The following SLC40A1 variants were observed in gnomAD, a reference collection of about 807,000 sequenced individuals.
SLC40A1 encodes solute carrier family 40 member 1.
A neutral mutation model predicts 53.5 loss-of-function variants in SLC40A1; 16 were observed. The ratio of observed to expected loss-of-function variants is 0.30; its 90% confidence interval spans 0.20 to 0.45. SLC40A1 has a LOEUF of 0.45. SLC40A1 is among the 20% of genes least tolerant of loss of function. The probability of loss-of-function intolerance (pLI) is 1.00; values close to 1 mark genes in which losing one functional copy is unlikely to be tolerated. For synonymous variants in SLC40A1, 247 were observed against 253.2 expected (o/e 0.98, Z 0.23); for missense variants, 545 against 695.4 (o/e 0.78, Z 2.43).
chr2:189,571,575 A>G (rs2031126307), intron 5 of SLC40A1, 140 bp downstream of exon 5: 7 of 1,381,162 alleles, frequency 5.1e-6, no homozygotes, highest in Non-Finnish European at 6.9e-6. Context: ...ACAATAAGGT[A>G]AGAAAAAAAG....
intron 2 of SLC40A1, among the ~76,000 whole-genome samples, chr2:189,576,087 G>A (rs371224740): frequency 6.6e-5 from 10 of 152,144 alleles, no homozygotes; most frequent in African/African-American, 1.4e-4. Context: ...GTTCATTACC[G>A]TGAAATGTGA....
intron 5 of SLC40A1, among the ~76,000 whole-genome samples, chr2:189,568,563 C>T (rs16831659): frequency 0.079 from 11,967 of 152,146 alleles, 654 homozygotes; most frequent in South Asian, 0.18. Context: ...TGCAAATATA[C>T]GCTCTTTACC....
intron 2 of SLC40A1, among the ~76,000 whole-genome samples, chr2:189,576,891 CA>C (rs1232626430): frequency 6.6e-6 from 1 of 152,142 alleles, no homozygotes; most frequent in African/African-American, 2.4e-5. Context: ...GACATCAAGA[CA>C]AATGCTATTA....
chr2:189,573,466 A>C (rs974617805), intron 3 of SLC40A1, among the ~76,000 whole-genome samples: 1 of 152,250 alleles, frequency 6.6e-6, no homozygotes, highest in Non-Finnish European at 1.5e-5. Flanking sequence ...ATTTCTTTGC[A>C]TACTAATGCT....
chr2:189,579,644 G>A (rs1361703863), intron 2 of SLC40A1, among the ~76,000 whole-genome samples, 169 bp downstream of exon 2: 3 of 152,164 alleles, frequency 2.0e-5, no homozygotes, highest in South Asian at 4.1e-4. Flanking sequence ...TAACACTCAT[G>A]GGGAAAGATC....
rs560400646 is a variant in SLC40A1, at chr2:189,562,980, A to T, written c.1402+604T>A. On this transcript the variant is annotated intron_variant, in intron 7 of 7. Transcript: ENST00000261024. ...TTTTTGTTAAGGTTATTGCAATATC[A>T]AGACTCTACTAGATGGCAGTATAAT... is the stretch of plus-strand genomic sequence containing the variant. Among the ~76,000 whole-genome samples the T allele has an allele frequency of 2.6e-5, 4 of 152,126 alleles. No homozygotes were observed. In the South Asian group the frequency reaches 8.3e-4, roughly 32 times the overall value.
intron 6 of SLC40A1, 46 bp downstream of exon 6, chr2:189,565,308 G>C (rs1299606832): frequency 6.2e-7 from 1 of 1,610,290 alleles, no homozygotes; most frequent in African/African-American, 1.3e-5. Flanking sequence ...CAACATTTAA[G>C]GTCTGAACAT....
intron 5 of SLC40A1, 57 bp from the exon 6 acceptor site, chr2:189,565,656 C>A: frequency 6.2e-7 from 1 of 1,605,216 alleles, no homozygotes; most frequent in Non-Finnish European, 8.5e-7. Flanking sequence ...AGAGAGACTG[C>A]CCATTTACAC....
At chr2:189,577,562 T>C (rs941757814) in intron 2 of SLC40A1, among the ~76,000 whole-genome samples, 2 of 152,122 alleles carry the variant, frequency 1.3e-5, no homozygotes, top group Non-Finnish European at 2.9e-5. Context: ...ATTAGATATC[T>C]TTTTTAAAGC....
chr2:189,571,847 G>A lies in SLC40A1; in HGVS notation c.388-6C>T. 1 of 1,585,772 alleles carries A rather than the reference G, an allele frequency of 6.3e-7. No homozygotes were observed. The highest frequency in any genetic ancestry group is 8.7e-7 in the Non-Finnish European group (1 of 1,154,520). On this transcript the variant is annotated splice_polypyrimidine_tract_variant and splice_region_variant and intron_variant, in intron 4 of 7. Coordinates refer to ENST00000261024, the MANE Select transcript of SLC40A1 (RefSeq NM_014585.6). Reference sequence around the variant, plus strand: ...ATCAGGATATAGCAGGAAGTCTAAAGAATGACAAGAAAAAAATGAGTTATA... The same window carrying A: ...ATCAGGATATAGCAGGAAGTCTAAAAAATGACAAGAAAAAAATGAGTTATA...
chr2:189,572,998 A>T (rs1479397439), intron 3 of SLC40A1, 37 bp from the exon 4 acceptor site: 1 of 1,372,090 alleles, frequency 7.3e-7, no homozygotes, highest in Non-Finnish European at 1.0e-6. Context: ...CATTACATCA[A>T]AATGTCTCAG....
chr2:189,573,491 C>T (rs966633814), intron 3 of SLC40A1, among the ~76,000 whole-genome samples: 5 of 152,272 alleles, frequency 3.3e-5, no homozygotes, highest in South Asian at 2.1e-4. Flanking sequence ...GCCATTGCTA[C>T]GAAATTCTAA....
In SLC40A1 at chr2:189,564,137, A is replaced by G; in HGVS notation, c.849T>C (p.Thr283=). The change falls in exon 7 of 8, where the codon ACT becomes ACC. Residue 283 remains threonine (T), a synonymous_variant. Coordinates refer to ENST00000261024, the MANE Select transcript of SLC40A1 (RefSeq NM_014585.6). ...AGGGCTCAGCCATCTGGGAGGCACA[A>G]GTAGGCTCTTGCTCATGTTCAAGCT... ...IHELEHEQEP[T]CASQMAEPFR... 6.2e-7 allele frequency: 1 copy of G among 1,612,382 alleles called. No individual in the cohort carries two copies. The highest frequency in any genetic ancestry group is 8.5e-7 in the Non-Finnish European group (1 of 1,179,432).
In SLC40A1 at chr2:189,563,828, C is replaced by A. The variant is rs776375781; in HGVS notation, c.1158G>T (p.Leu386Phe). 3 of 1,614,218 alleles carry A rather than the reference C, an allele frequency of 1.9e-6. No individual in the cohort carries two copies. Among genetic ancestry groups the A allele is most frequent in the Middle Eastern group, 1.6e-4 (1 of 6,062 alleles). ...CAGGCATGAATACAGAGATCACACACAAGATCAAACAGGAAAGCTGTGCCA... is the reference window on the plus strand; with the variant it reads ...CAGGCATGAATACAGAGATCACACAAAAGATCAAACAGGAAAGCTGTGCCA... ...SGLAQLSCLILCVISVFMPGS... is the reference protein window; with the variant it reads ...SGLAQLSCLIFCVISVFMPGS... The change falls in exon 7 of 8, where the codon TTG becomes TTT. Residue 386 changes from leucine (L) to phenylalanine (F), a missense_variant. This residue lies in a region of SLC40A1 where 234 missense variants were observed against 299.0 expected (regional missense o/e 0.78). Coordinates refer to ENST00000261024, the MANE Select transcript of SLC40A1 (RefSeq NM_014585.6).
chr2:189,566,897 A>G (rs550893085), intron 5 of SLC40A1, among the ~76,000 whole-genome samples: 1 of 152,330 alleles, frequency 6.6e-6, no homozygotes, highest in South Asian at 2.1e-4. Context: ...ATCTGGAAGC[A>G]TGAAAGGACC....
At chr2:189,562,720 C>A (rs2030784720) in intron 7 of SLC40A1, among the ~76,000 whole-genome samples, 1 of 152,092 alleles carries the variant, frequency 6.6e-6, no homozygotes, top group Admixed American at 6.6e-5. Flanking sequence ...AGACTGAATT[C>A]AGAGATAATT....
At chr2:189,568,355 G>A (rs1006938666) in intron 5 of SLC40A1, among the ~76,000 whole-genome samples, 2 of 152,184 alleles carry the variant, frequency 1.3e-5, no homozygotes, top group African/African-American at 2.4e-5. Context: ...CGGGCATGGT[G>A]GCGGGCGCCT....
chr2:189,578,222 G>T, intron 2 of SLC40A1: 1 of 994,494 alleles, frequency 1.0e-6, no homozygotes, highest in Non-Finnish European at 1.2e-6. Flanking sequence ...TAATTACCTA[G>T]TGTTAGAGAC....
intron 5 of SLC40A1, among the ~76,000 whole-genome samples, chr2:189,569,867 C>G (rs1308671985): frequency 6.6e-6 from 1 of 152,034 alleles, no homozygotes; most frequent in Non-Finnish European, 1.5e-5. Context: ...TGAGAAACGA[C>G]CAGTCATATT....
Sources: gnomAD v4.1 joint callset for allele counts (sites outside exome capture counted in the v4.1 genomes callset) on GRCh38, gnomAD v4.1.1 for gene constraint, gnomAD v4.1.1 regional missense constraint, MANE v1.5 for transcripts, NCBI Gene and HGNC (gene_info 2026-07-23, HGNC 2026-07-21) for gene names.